Variants in DNM2 observed in about 807,000 individuals in gnomAD.
The protein encoded by DNM2 is dynamin 2.
DNM2 carries 15 observed loss-of-function variants against 99.0 expected under a neutral mutation model. The ratio of observed to expected loss-of-function variants is 0.15; its 90% CI spans 0.10 to 0.23. The LOEUF (loss-of-function observed/expected upper bound fraction) is 0.23. DNM2 is among the 10% of genes least tolerant of loss of function. The pLI is 1.00. For missense variants in DNM2, 742 were observed against 1,189.4 expected, an observed-to-expected ratio of 0.62 and a Z score of 5.53; for synonymous variants, 525 against 481.2, an observed-to-expected ratio of 1.09 and a Z score of -1.19.
chr19:10,828,795 C>T (rs1488948514), intron 18 of DNM2, among the ~76,000 whole-genome samples: 1 of 150,658 alleles, frequency 6.6e-6, no homozygotes, highest in Non-Finnish European at 1.5e-5. Context: ...ATGGTGTCAA[C>T]GTGCCTGTCG....
intron 1 of DNM2, among the ~76,000 whole-genome samples, chr19:10,736,099 C>T (rs533413115): frequency 2.4e-4 from 36 of 152,028 alleles, no homozygotes; most frequent in African/African-American, 8.4e-4. Flanking sequence ...TCCGTCTCTA[C>T]TAAAAATACA....
intron 2 of DNM2, among the ~76,000 whole-genome samples, chr19:10,767,924 A>G (rs1363378260): frequency 6.6e-6 from 1 of 151,596 alleles, no homozygotes; most frequent in Non-Finnish European, 1.5e-5. Flanking sequence ...CAAACAAAAA[A>G]CCTCTGTTGA....
intron 1 of DNM2, among the ~76,000 whole-genome samples, chr19:10,733,114 C>T (rs1264065960): frequency 6.6e-6 from 1 of 151,568 alleles, no homozygotes; most frequent in Non-Finnish European, 1.5e-5. Context: ...GAACTCCCGA[C>T]CTCAGGTGAT....
intron 1 of DNM2, among the ~76,000 whole-genome samples, chr19:10,744,492 C>A (rs566883927): frequency 2.0e-5 from 3 of 152,090 alleles, no homozygotes; most frequent in African/African-American, 4.8e-5. Flanking sequence ...GGAACTAGAA[C>A]GTGTTTGCCT....
intron 1 of DNM2, among the ~76,000 whole-genome samples, chr19:10,743,809 C>CAAAA (rs35999203): frequency 3.7e-4 from 12 of 32,652 alleles, no homozygotes; most frequent in African/African-American, 1.3e-3. Flanking sequence ...GACTCTGTCT[C>CAAAA]AAAAAAAAAA....
At chr19:10,777,287 C>T (rs1474847096) in intron 5 of DNM2, 71 bp downstream of exon 5, 1 of 1,419,956 alleles carries the variant, frequency 7.0e-7, no homozygotes, top group Non-Finnish European at 9.8e-7. Context: ...ACCCCAGCAC[C>T]TGTTCCCTGC....
At chr19:10,721,458 C>T (rs1038739741) in intron 1 of DNM2, among the ~76,000 whole-genome samples, 7 of 152,186 alleles carry the variant, frequency 4.6e-5, no homozygotes, top group Admixed American at 3.9e-4. Flanking sequence ...TGGCTGGCCT[C>T]GTTAAGAGTA....
Position 10,831,843 on chromosome 19 carries a change from G to C in DNM2, c.*796G>C. The C allele has an allele frequency of 4.0e-6, 4 of 996,890 alleles. No homozygotes were observed. The highest frequency in any genetic ancestry group is 4.8e-6 in the Non-Finnish European group (4 of 836,812). The allele number at this position is 996,890 out of a possible 1,614,324, so 61.8% of individuals were successfully genotyped here. On this transcript the variant is annotated 3_prime_UTR_variant, in exon 21 of 21. Transcript: ENST00000389253. The surrounding 1 kb of genome is among the most constrained non-coding windows in gnomAD (Gnocchi z 4.3). Reference sequence around the variant, plus strand: ...CCACTCCTCGCTCAGTTTGACCACTGTAAGTGCCTGCACTCTGTATTCTAT... The same window carrying C: ...CCACTCCTCGCTCAGTTTGACCACTCTAAGTGCCTGCACTCTGTATTCTAT...
chr19:10,726,540 A>G (rs374013979), intron 1 of DNM2, among the ~76,000 whole-genome samples: 1 of 152,240 alleles, frequency 6.6e-6, no homozygotes, highest in East Asian at 1.9e-4. Flanking sequence ...TTCCTTTCTA[A>G]GTGGGAATCA....
At position 10,811,555 on chromosome 19, in the gene DNM2, T is replaced by C; in HGVS notation, c.1558-709T>C. 7.9e-6 allele frequency: 3 copies of C among 381,378 alleles called. No homozygotes were observed. The highest frequency in any genetic ancestry group is 7.2e-5 in the East Asian group (1 of 13,820). The allele number at this position is 381,378 out of a possible 1,614,324, so 23.6% of individuals were successfully genotyped here. ...CCTGTGCGTGCCTCCGTGTGCTTCC[T>C]GCAGCTCCCAGGGCCCTCGTCCTGA... On this transcript the variant is annotated intron_variant, in intron 14 of 20. Transcript: ENST00000389253. This position sits in a 1 kb window ranked among gnomAD's most constrained non-coding sequence, Gnocchi z 5.4.
Position 10,796,302 on chromosome 19 carries a change from T to G in DNM2, c.1196+863T>G. 1 of 1,537,054 alleles carries G rather than the reference T, an allele frequency of 6.5e-7. No homozygotes were observed. The highest frequency in any genetic ancestry group is 9.0e-7 in the Non-Finnish European group (1 of 1,116,468). On this transcript the variant is annotated intron_variant, in intron 9 of 20. Transcript: ENST00000389253. The surrounding 1 kb of genome is among the most constrained non-coding windows in gnomAD (Gnocchi z 5.6). ...CTCATTGGCCCCCACTGGTGCCTTT[T>G]CTCCCCATATCGCTTTGTGTCCGTG...
rs564909680 is a variant in DNM2, at chr19:10,830,019, C to T, written c.2292-108C>T. The T allele has an allele frequency of 7.0e-5, 106 of 1,509,444 alleles. 1 individual carries two copies. The highest frequency in any genetic ancestry group is 6.4e-4 in the South Asian group (57 of 88,726). 93.5% of individuals were successfully genotyped at this position (1,509,444 alleles called of 1,614,324 possible). ...GGGTGGGAGGATCCCACTGCGCCTG[C>T]GCTGTCCCCATAGCCAGCCCCCACC... is the stretch of plus-strand genomic sequence containing the variant. On this transcript the variant is annotated intron_variant, in intron 19 of 20. Coordinates refer to ENST00000389253, the MANE Select transcript of DNM2 (RefSeq NM_001005361.3). The surrounding 1 kb of genome is among the most constrained non-coding windows in gnomAD (Gnocchi z 4.8).
At position 10,751,598 on chromosome 19, in the gene DNM2, G is replaced by A. The variant is rs547523998; in HGVS notation, c.162-8140G>A. 7.9e-5 allele frequency among the ~76,000 whole-genome samples: 12 copies of A among 152,268 alleles called. No individual in the cohort carries two copies. In the East Asian group the frequency reaches 1.7e-3, roughly 22 times the overall value. ...AGGAGACTTCTGGGGGGCTCATTTC[G>A]GAGGCAGTCCAGGCCGAGGGTGAAT... On this transcript the variant is annotated intron_variant, in intron 1 of 20. Transcript: ENST00000389253.
intron 1 of DNM2, among the ~76,000 whole-genome samples, chr19:10,738,335 G>A (rs1397335035): frequency 6.6e-6 from 1 of 152,208 alleles, no homozygotes; most frequent in East Asian, 1.9e-4. Context: ...GGCACGAGGT[G>A]GCAGGGCATG....
intron 1 of DNM2, among the ~76,000 whole-genome samples, chr19:10,720,273 A>G (rs2068896476): frequency 6.8e-6 from 1 of 147,580 alleles, no homozygotes; most frequent in Non-Finnish European, 1.5e-5. Flanking sequence ...AGTGCAGTGG[A>G]GCAATCTTGG....
Position 10,817,471 on chromosome 19 carries a change from A to G in DNM2, c.1672-2509A>G. 1 of 492,870 alleles carries G rather than the reference A, an allele frequency of 2.0e-6. No individual in the cohort carries two copies. Among genetic ancestry groups the G allele is most frequent in the Non-Finnish European group, 4.2e-6 (1 of 239,544 alleles). 30.5% of individuals were successfully genotyped at this position (492,870 alleles called of 1,614,324 possible). On this transcript the variant is annotated intron_variant, in intron 15 of 20. Transcript: ENST00000389253. This position sits in a 1 kb window ranked among gnomAD's most constrained non-coding sequence, Gnocchi z 4.6. ...ACTGTACACATTGAGAGCCTCCTGA[A>G]CAGGTAGTCTGAACACTGGGTTGGC...
Position 10,808,585 on chromosome 19 carries a change from G to C in DNM2, c.1557+5G>C. 1 of 1,612,286 alleles carries C rather than the reference G, an allele frequency of 6.2e-7. No individual in the cohort carries two copies. Among genetic ancestry groups the C allele is most frequent in the Non-Finnish European group, 8.5e-7 (1 of 1,179,230 alleles). ...TATTCAAAGGGGGAGATCCTGGTAA[G>C]TACATGCTTAGTGTGGTAGCAAACA... On this transcript the variant is annotated splice_donor_5th_base_variant and intron_variant, in intron 14 of 20. Transcript: ENST00000389253.
chr19:10,800,900 CGT>C (rs147228617), intron 11 of DNM2, among the ~76,000 whole-genome samples: 6 of 152,072 alleles, frequency 3.9e-5, no homozygotes, highest in Non-Finnish European at 5.9e-5. Flanking sequence ...ATAGCTTGAG[CGT>C]GTGTGTGTGT....
Position 10,786,575 on chromosome 19 carries a change from C to G in DNM2, c.861C>G (p.Asn287Lys), listed in dbSNP as rs1264761334. The G allele has an allele frequency of 5.0e-6, 8 of 1,614,184 alleles. No individual in the cohort carries two copies. Among genetic ancestry groups the G allele is most frequent in the Non-Finnish European group, 5.9e-6 (7 of 1,180,030 alleles). The change falls in exon 7 of 21, where the codon AAC (asparagine) becomes AAG (lysine). Residue 287 changes from asparagine (N) to lysine (K), a missense_variant. By Grantham distance (94) the Asn-to-Lys change is moderately conservative. Coordinates refer to ENST00000389253, the MANE Select transcript of DNM2 (RefSeq NM_001005361.3). ...LQKTLNQQLT[N>K]HIRESLPALR... ...CCTCTCTCCTGCAGCAACTGACCAACCACATCCGGGAGTCGCTGCCGGCCC... is the reference window on the plus strand; with the variant it reads ...CCTCTCTCCTGCAGCAACTGACCAAGCACATCCGGGAGTCGCTGCCGGCCC...
Sources: gnomAD v4.1 joint callset for allele counts (sites outside exome capture counted in the v4.1 genomes callset) on GRCh38, gnomAD v4.1.1 for gene constraint, Gnocchi (gnomAD v3.1) non-coding constraint, MANE v1.5 for transcripts, NCBI Gene and HGNC (gene_info 2026-07-23, HGNC 2026-07-21) for gene names.